PLCG2: variants seen among roughly 807,000 people sequenced by gnomAD.
PLCG2 encodes the protein phospholipase C gamma 2.
PLCG2 carries 69 observed loss-of-function variants against 175.6 expected under a neutral mutation model. The ratio of observed to expected loss-of-function variants is 0.39; its 90% CI spans 0.32 to 0.48. The LOEUF (loss-of-function observed/expected upper bound fraction) is 0.48. PLCG2 is among the 20% of genes least tolerant of loss of function. The pLI is 0.91. For missense variants in PLCG2, 1,798 were observed against 1,650.9 expected (o/e 1.09, Z -1.54); for synonymous variants, 827 against 624.0 (o/e 1.33, Z -4.85).
rs374419817 is a variant in PLCG2 at position 81,910,694 on chromosome 16, C to T, written c.1908C>T (p.Pro636=). Residue 636 remains proline, a synonymous_variant, in exon 18 of 33, where the codon CCC becomes CCT. Coordinates refer to ENST00000564138, the MANE Select transcript of PLCG2 (RefSeq NM_002661.5). ...EFELRLTDPV[P]NPNPHESKPW... ...AGCTGCGGCTCACGGACCCTGTGCC[C>T]AACCCCAACCCCCACGAGTCCAAGC... 2.5e-6 allele frequency: 4 copies of T among 1,610,968 alleles called. No homozygotes were observed. In the African/African-American group the frequency reaches 5.3e-5, roughly 21 times the overall value.
chr16:81,895,578 A>T, intron 12 of PLCG2: 2 of 470,058 alleles, frequency 4.3e-6, no homozygotes, highest in South Asian at 3.3e-5. Context: ...AAAAAATGAA[A>T]AAAAAAGCAG....
intron 11 of PLCG2, among the ~76,000 whole-genome samples, chr16:81,893,406 T>G (rs1908730396): frequency 1.3e-5 from 2 of 151,626 alleles, no homozygotes; most frequent in South Asian, 4.2e-4. Flanking sequence ...CAGCTTTTTT[T>G]GCTTCTGACG....
chr16:81,810,027 G>A (rs371089713), intron 2 of PLCG2, among the ~76,000 whole-genome samples: 1 of 150,844 alleles, frequency 6.6e-6, no homozygotes, highest in African/African-American at 2.4e-5. Context: ...GAGCCTACCT[G>A]TGTCACCAGG....
chr16:81,924,264 G>C (rs1567534789), intron 22 of PLCG2, among the ~76,000 whole-genome samples: 1 of 152,246 alleles, frequency 6.6e-6, no homozygotes. Flanking sequence ...ATAAGAACTT[G>C]CTCATAATAG....
At chr16:81,893,862 T>A in intron 12 of PLCG2, 68 bp downstream of exon 12, 1 of 984,178 alleles carries the variant, frequency 1.0e-6, no homozygotes, top group Non-Finnish European at 1.6e-6. Context: ...GGTTGCTCCA[T>A]GTTTTCTTTC....
At position 81,858,339 on chromosome 16, in the gene PLCG2, G is replaced by A. The variant is rs781285726; in HGVS notation, c.414G>A (p.Thr138=). Residue 138 remains threonine (T), a synonymous_variant, in exon 4 of 33, where the codon ACG becomes ACA. Transcript: ENST00000564138. The stretch of plus-strand genomic sequence containing the variant: ...ACCAGGAAGCGATGAATGCGTCCAC[G>A]CCCACCATTATCGAGAGGTAGTTGG... ...ILHQEAMNAS[T]PTIIESWLRK... 2.5e-5 allele frequency: 40 copies of A among 1,613,066 alleles called. No homozygotes were observed. In the East Asian group the frequency reaches 3.1e-4, roughly 13 times the overall value.
At chr16:81,843,348 C>A (rs888684367) in intron 2 of PLCG2, among the ~76,000 whole-genome samples, 2 of 152,174 alleles carry the variant, frequency 1.3e-5, no homozygotes, top group African/African-American at 4.8e-5. Context: ...CTCATACGTG[C>A]ACACTTACAA....
chr16:81,918,898 CTTTT>C (rs59461906), intron 19 of PLCG2, among the ~76,000 whole-genome samples: 8 of 150,278 alleles, frequency 5.3e-5, no homozygotes, highest in African/African-American at 1.5e-4. Context: ...AGACTTGTTT[CTTTT>C]TTTTTTTAAA....
chr16:81,851,761 C>G (rs1214097429), intron 2 of PLCG2, among the ~76,000 whole-genome samples: 1 of 152,230 alleles, frequency 6.6e-6, no homozygotes, highest in African/African-American at 2.4e-5. Flanking sequence ...GATCTGCCCG[C>G]CTTGGCCTCC....
intron 2 of PLCG2, among the ~76,000 whole-genome samples, chr16:81,830,451 C>T (rs572450674): frequency 6.6e-6 from 1 of 152,092 alleles, no homozygotes; most frequent in South Asian, 2.1e-4. Flanking sequence ...GGATTATAGG[C>T]GCATGCCACC....
chr16:81,784,901 G>A (rs1349956015), intron 1 of PLCG2, among the ~76,000 whole-genome samples: 1 of 152,096 alleles, frequency 6.6e-6, no homozygotes, highest in Non-Finnish European at 1.5e-5. Context: ...TGTTTCTGGG[G>A]ATTTGGGAGG....
intron 1 of PLCG2, among the ~76,000 whole-genome samples, chr16:81,780,644 C>T (rs1206141496): frequency 6.6e-6 from 1 of 152,200 alleles, no homozygotes; most frequent in Admixed American, 6.5e-5. Flanking sequence ...GGCAGTTCCT[C>T]TGGAAGTGGA....
At chr16:81,866,370 C>CA (rs1752022029) in intron 5 of PLCG2, among the ~76,000 whole-genome samples, 1 of 129,470 alleles carries the variant, frequency 7.7e-6, no homozygotes, top group Non-Finnish European at 1.7e-5. Flanking sequence ...GGTTGAGCTC[C>CA]ACTGGGGCAC....
chr16:81,879,486 A>C (rs1233683649), intron 7 of PLCG2, among the ~76,000 whole-genome samples: 2 of 152,114 alleles, frequency 1.3e-5, no homozygotes, highest in Admixed American at 6.5e-5. Flanking sequence ...GAAGAAACAC[A>C]CACCCACACA....
chr16:81,880,838 C>G lies in PLCG2; in HGVS notation c.649-72C>G, dbSNP rs1329528982. The G allele has an allele frequency of 4.9e-6, 7 of 1,439,234 alleles. No individual in the cohort carries two copies. In the Admixed American group the frequency reaches 7.0e-5, roughly 14 times the overall value. The allele number at this position is 1,439,234 out of a possible 1,614,324, so 89.2% of individuals were successfully genotyped here. A position where few individuals can be genotyped will look rare whatever the true frequency, so the allele number is the denominator to read the frequency against. ...TGACAAAATGATGCTTTTTTAACAA[C>G]AAAAATCTTTCCGTTTTTGCATTAA... On this transcript the variant is annotated intron_variant, in intron 7 of 32. Coordinates refer to ENST00000564138, the MANE Select transcript of PLCG2 (RefSeq NM_002661.5).
intron 2 of PLCG2, among the ~76,000 whole-genome samples, chr16:81,842,138 G>C (rs1460019273): frequency 1.3e-5 from 2 of 152,214 alleles, no homozygotes; most frequent in African/African-American, 4.8e-5. Flanking sequence ...TGCACCCCTG[G>C]GGAGCATAAG....
At chr16:81,848,654 C>G (rs1015447362) in intron 2 of PLCG2, among the ~76,000 whole-genome samples, 1 of 152,164 alleles carries the variant, frequency 6.6e-6, no homozygotes, top group African/African-American at 2.4e-5. Context: ...AATTTGATCC[C>G]TCTTGAGGTC....
intron 30 of PLCG2, among the ~76,000 whole-genome samples, chr16:81,944,821 G>A (rs918945327): frequency 2.0e-5 from 3 of 152,038 alleles, no homozygotes; most frequent in African/African-American, 7.3e-5. Flanking sequence ...AAGGATTTTG[G>A]TATCTGGGGA....
At chr16:81,875,342 G>T (rs191683326) in intron 7 of PLCG2, among the ~76,000 whole-genome samples, 2 of 152,032 alleles carry the variant, frequency 1.3e-5, no homozygotes, top group African/African-American at 4.8e-5. Flanking sequence ...CCATTTTAGG[G>T]ATTAAGAAAC....
Sources: allele counts gnomAD v4.1 joint callset (sites outside exome capture counted in the v4.1 genomes callset), GRCh38; gene constraint gnomAD v4.1.1; transcripts MANE v1.5; gene names NCBI Gene and HGNC (gene_info 2026-07-23, HGNC 2026-07-21).